Variants in SEL1L3 observed in about 807,000 individuals in gnomAD.
The protein encoded by SEL1L3 is protein sel-1 homolog 3.
In SEL1L3, 76 loss-of-function variants were observed where a neutral mutation model predicts 142.8. The observed-to-expected ratio is 0.53, with a 90% CI of 0.44 to 0.64. The LOEUF is 0.64. Ranked by LOEUF, SEL1L3 falls within the 30% of genes least tolerant of loss-of-function variation. The probability of loss-of-function intolerance (pLI) is 0.00; values close to 1 mark genes in which losing one functional copy is unlikely to be tolerated. For synonymous variants in SEL1L3, 504 were observed against 519.6 expected (o/e 0.97, Z 0.41); for missense variants, 1,262 against 1,381.7 (o/e 0.91, Z 1.37).
intron 1 of SEL1L3, among the ~76,000 whole-genome samples, chr4:25,849,354 G>A (rs1716740052): frequency 6.6e-6 from 1 of 152,152 alleles, no homozygotes; most frequent in Admixed American, 6.5e-5. Context: ...GCCCATAAAA[G>A]GGAATGAAAT....
chr4:25,769,956 G>A (rs1719038005), intron 17 of SEL1L3, among the ~76,000 whole-genome samples: 1 of 151,996 alleles, frequency 6.6e-6, no homozygotes, highest in Non-Finnish European at 1.5e-5. Flanking sequence ...TAGAAACCCT[G>A]TCTCTACTAA....
chr4:25,862,340 G>A, intron 1 of SEL1L3, among the ~76,000 whole-genome samples: 1 of 152,074 alleles, frequency 6.6e-6, no homozygotes, highest in African/African-American at 2.4e-5. Context: ...TGCGCGCGGC[G>A]GGGCGGGGAG....
rs145030137 is a variant in SEL1L3 at position 25,783,333 on chromosome 4, C to G, written c.2280+895G>C. Among the ~76,000 whole-genome samples, 3 of 152,322 alleles carry G rather than the reference C, an allele frequency of 2.0e-5. No individual in the cohort carries two copies. In the East Asian group the frequency reaches 5.8e-4, roughly 29 times the overall value. On this transcript the variant is annotated intron_variant, in intron 14 of 23. Transcript: ENST00000399878. The stretch of plus-strand genomic sequence containing the variant: ...GACAACACACAGATGGAGGAACAAT[C>G]TTTTAGGTCTCTCATTCCATGCTAC...
At chr4:25,784,374 T>C in intron 13 of SEL1L3, 84 bp from the exon 14 acceptor site, 2 of 1,071,230 alleles carry the variant, frequency 1.9e-6, no homozygotes, top group South Asian at 2.6e-5. Context: ...GGATATAAAA[T>C]ACTTAAAAAT....
At chr4:25,863,308 C>G, upstream of SEL1L3, 1 of 433,608 alleles carries the variant, frequency 2.3e-6, no homozygotes, top group South Asian at 2.2e-5. Context: ...CTCCCTCCGG[C>G]TCCCTCTTCC....
intron 9 of SEL1L3, among the ~76,000 whole-genome samples, chr4:25,805,905 G>A (rs1713524429): frequency 6.6e-6 from 1 of 152,154 alleles, no homozygotes; most frequent in Non-Finnish European, 1.5e-5. Flanking sequence ...AAATAACGTT[G>A]ATGTAAATGT....
At chr4:25,795,443 A>T (rs183124463) in intron 11 of SEL1L3, among the ~76,000 whole-genome samples, 12 of 152,282 alleles carry the variant, frequency 7.9e-5, no homozygotes, top group African/African-American at 2.9e-4. Flanking sequence ...GCTTTAGAAA[A>T]CAGAAGGACT....
chr4:25,714,141 T>C, the SEL1L3 span, among the ~76,000 whole-genome samples: 1 of 152,090 alleles, frequency 6.6e-6, no homozygotes, highest in Non-Finnish European at 1.5e-5. Flanking sequence ...AGTTTACAGA[T>C]GAATTTTGGG....
chr4:25,845,082 G>C (rs1467247113), intron 2 of SEL1L3, among the ~76,000 whole-genome samples: 1 of 152,318 alleles, frequency 6.6e-6, no homozygotes, highest in East Asian at 1.9e-4. Context: ...ATCTGAGTAA[G>C]GTCTGGAGTC....
At chr4:25,719,416 G>C in the SEL1L3 span, 1 of 152,130 alleles carries the variant, frequency 6.6e-6, no homozygotes, top group Non-Finnish European at 1.5e-5. Context: ...CTGTGGCGGT[G>C]AATGCTATGA....
chr4:25,749,991 C>A (rs543141758), intron 23 of SEL1L3, among the ~76,000 whole-genome samples: 1 of 151,982 alleles, frequency 6.6e-6, no homozygotes, highest in Non-Finnish European at 1.5e-5. Flanking sequence ...CCCAGCACTT[C>A]GGGAGGCCCG....
At chr4:25,835,473 C>T (rs1715759449) in intron 2 of SEL1L3, 150 bp from the exon 3 acceptor site, 1 of 819,046 alleles carries the variant, frequency 1.2e-6, no homozygotes, top group Non-Finnish European at 1.9e-6. Context: ...TGAATAAATG[C>T]CAAGCACCAT....
At chr4:25,752,904 C>A (rs140731873) in intron 23 of SEL1L3, among the ~76,000 whole-genome samples, 2 of 152,252 alleles carry the variant, frequency 1.3e-5, no homozygotes, top group African/African-American at 4.8e-5. Flanking sequence ...TGAGCCACTG[C>A]GCCCAGCCCA....
Position 25,862,886 on chromosome 4 carries a change from C to G in SEL1L3, c.-50G>C. ...GGAACAGGTCACCTGGTGCAGGGAC[C>G]GGCCCCCGCCCGAGGCGCCACCTTC... is the stretch of plus-strand genomic sequence containing the variant. On this transcript the variant is annotated 5_prime_UTR_variant, in exon 1 of 24. Coordinates refer to ENST00000399878, the MANE Select transcript of SEL1L3 (RefSeq NM_015187.5). The G allele has an allele frequency of 1.9e-6, 2 of 1,049,180 alleles. No individual in the cohort carries two copies. Among genetic ancestry groups the G allele is most frequent in the Admixed American group, 5.6e-5 (1 of 18,012 alleles). 65.0% of individuals were successfully genotyped at this position (1,049,180 alleles called of 1,614,324 possible).
In SEL1L3 at chr4:25,807,152, C is replaced by G. The variant is rs74589889; in HGVS notation, c.1565-2400G>C. On this transcript the variant is annotated intron_variant, in intron 9 of 23. Coordinates refer to ENST00000399878, the MANE Select transcript of SEL1L3 (RefSeq NM_015187.5). ...TCTCTGGGGCTGTCAGAAGCTCATT[C>G]TTTCTAATGCTTCAATAGTATTGCA... 1.6e-3 allele frequency among the ~76,000 whole-genome samples: 242 copies of G among 152,302 alleles called. 1 individual carries two copies. The highest frequency in any genetic ancestry group is 2.5e-3 in the Non-Finnish European group (171 of 68,030).
the SEL1L3 span, among the ~76,000 whole-genome samples, chr4:25,722,331 A>C: frequency 6.6e-6 from 1 of 152,184 alleles, no homozygotes; most frequent in Non-Finnish European, 1.5e-5. Context: ...TCCTACTTTT[A>C]GGCAGAAAAG....
intron 13 of SEL1L3, among the ~76,000 whole-genome samples, chr4:25,784,997 C>A (rs555128313): frequency 6.6e-6 from 1 of 152,090 alleles, no homozygotes; most frequent in Non-Finnish European, 1.5e-5. Flanking sequence ...GGAAGGAGGT[C>A]CTTGAGTATC....
chr4:25,731,473 T>C, the SEL1L3 span, among the ~76,000 whole-genome samples: 1 of 152,196 alleles, frequency 6.6e-6, no homozygotes, highest in Admixed American at 6.5e-5. Context: ...CCCAGAAGTT[T>C]GAAAAGCATC....
chr4:25,826,721 G>A (rs1293833733), intron 6 of SEL1L3, among the ~76,000 whole-genome samples: 1 of 152,080 alleles, frequency 6.6e-6, no homozygotes, highest in Non-Finnish European at 1.5e-5. Flanking sequence ...GCAGGGTCTC[G>A]CTCTGTCGCC....
Sources: gnomAD v4.1 joint callset for allele counts (sites outside exome capture counted in the v4.1 genomes callset) on GRCh38, gnomAD v4.1.1 for gene constraint, MANE v1.5 for transcripts, NCBI Gene and HGNC (gene_info 2026-07-23, HGNC 2026-07-21) for gene names.